Variants in PTPRD observed in about 807,000 individuals in gnomAD.
PTPRD encodes the protein protein tyrosine phosphatase receptor type D.
In PTPRD, 34 loss-of-function variants were observed where a neutral mutation model predicts 214.5. The ratio of observed to expected loss-of-function variants is 0.16; its 90% CI spans 0.12 to 0.21. PTPRD has a LOEUF of 0.21. Among genes scored for constraint, PTPRD ranks in the 10% least tolerant of loss-of-function variants. The probability of loss-of-function intolerance (pLI) is 1.00; values close to 1 mark genes in which losing one functional copy is unlikely to be tolerated. For synonymous variants in PTPRD, 1,128 were observed against 845.7 expected (o/e 1.33, Z -5.79); for missense variants, 2,545 against 2,398.7 (o/e 1.06, Z -1.27).
chr9:9,848,242 C>T (rs765944578), intron 5 of PTPRD, among the ~76,000 whole-genome samples: 2 of 152,208 alleles, frequency 1.3e-5, no homozygotes, highest in South Asian at 2.1e-4. Context: ...ACAGATTCCC[C>T]AGTACTGCTT....
intron 2 of PTPRD, among the ~76,000 whole-genome samples, chr9:10,559,983 T>C (rs7468020): frequency 0.81 from 122,786 of 152,112 alleles, 49,712 homozygotes; most frequent in East Asian, 0.96. Context: ...AGTTCAATCA[T>C]TGTGGAAGTC....
rs531344465 is a variant in PTPRD at position 10,223,006 on chromosome 9, G to C, written c.-545+117957C>G. ...CAGAGGGAAAGAAGTGAAAGACAGA[G>C]AATGAAGAGTAAAAATTAGCAACAA... On this transcript the variant is annotated intron_variant, in intron 3 of 45. Transcript: ENST00000381196. Among the ~76,000 whole-genome samples, 6 of 152,128 alleles carry C rather than the reference G, an allele frequency of 3.9e-5. No individual in the cohort carries two copies. In the East Asian group the frequency reaches 1.2e-3, roughly 30 times the overall value.
At chr9:10,436,172 A>T (rs983669447) in intron 2 of PTPRD, among the ~76,000 whole-genome samples, 54 of 151,986 alleles carry the variant, frequency 3.6e-4, no homozygotes, top group African/African-American at 1.3e-3. Context: ...CAAAAATACT[A>T]ATGTAACATT....
At chr9:10,359,973 C>G (rs1052271399) in intron 2 of PTPRD, among the ~76,000 whole-genome samples, 1 of 152,178 alleles carries the variant, frequency 6.6e-6, no homozygotes, top group Non-Finnish European at 1.5e-5. Flanking sequence ...ATCTTTTATA[C>G]AAATTTTTGG....
At chr9:10,467,972 A>G (rs1327950615) in intron 2 of PTPRD, among the ~76,000 whole-genome samples, 2 of 152,218 alleles carry the variant, frequency 1.3e-5, no homozygotes, top group Non-Finnish European at 2.9e-5. Context: ...TGCCAGTTAG[A>G]ATGGCAACCA....
chr9:9,193,823 CTT>C lies in PTPRD; in HGVS notation c.-202-10462_-202-10461del, dbSNP rs79299643. Reference sequence around the variant, plus strand: ...GGACATTACTGTGCACAACTGTAGACTTTATACGCACTGTAAACTTTGGCTAC... The same window carrying C: ...GGACATTACTGTGCACAACTGTAGACTATACGCACTGTAAACTTTGGCTAC... On this transcript the variant is annotated intron_variant, in intron 9 of 45. Coordinates refer to ENST00000381196, the MANE Select transcript of PTPRD (RefSeq NM_002839.4). Among the ~76,000 whole-genome samples, 735 of 152,132 alleles carry C rather than the reference CTT, an allele frequency of 4.8e-3. 54 individuals carry two copies. The East Asian group carries it at 0.13, about 26-fold the overall frequency.
chr9:9,378,079 T>G (rs1187290606), intron 9 of PTPRD, among the ~76,000 whole-genome samples: 1 of 152,024 alleles, frequency 6.6e-6, no homozygotes, highest in Non-Finnish European at 1.5e-5. Context: ...CATTAAAACA[T>G]CGTTATCCAA....
At chr9:10,237,710 G>C (rs75933157) in intron 3 of PTPRD, among the ~76,000 whole-genome samples, 164 of 151,886 alleles carry the variant, frequency 1.1e-3, no homozygotes, top group African/African-American at 3.8e-3. Context: ...CCCTGACATG[G>C]AACATGTTAA....
chr9:9,289,114 T>C (rs1260708873), intron 9 of PTPRD, among the ~76,000 whole-genome samples: 2 of 151,810 alleles, frequency 1.3e-5, no homozygotes, highest in East Asian at 2.0e-4. Context: ...GAAAAACACA[T>C]GGGCTAGCAA....
chr9:10,050,900 T>C (rs1025639875), intron 3 of PTPRD, among the ~76,000 whole-genome samples: 1 of 152,160 alleles, frequency 6.6e-6, no homozygotes, highest in Non-Finnish European at 1.5e-5. Context: ...TAAAATCAAA[T>C]GTTGATTCAC....
chr9:10,374,914 G>C (rs934878614), intron 2 of PTPRD, among the ~76,000 whole-genome samples: 1 of 151,900 alleles, frequency 6.6e-6, no homozygotes, highest in Non-Finnish European at 1.5e-5. Context: ...TCAATAATTT[G>C]GAACTGCAGT....
At chr9:8,610,335 T>C (rs962239999) in intron 14 of PTPRD, among the ~76,000 whole-genome samples, 14 of 152,188 alleles carry the variant, frequency 9.2e-5, no homozygotes, top group African/African-American at 2.9e-4. Flanking sequence ...GTGGCTATTA[T>C]CAATTTCAGT....
At chr9:10,212,129 CA>C (rs1423639116) in intron 3 of PTPRD, among the ~76,000 whole-genome samples, 2 of 152,106 alleles carry the variant, frequency 1.3e-5, no homozygotes, top group African/African-American at 4.8e-5. Context: ...ACCATTCTCT[CA>C]GTGACAACTT....
At chr9:9,802,902 A>C (rs1410944796) in intron 5 of PTPRD, among the ~76,000 whole-genome samples, 1 of 151,870 alleles carries the variant, frequency 6.6e-6, no homozygotes, top group Non-Finnish European at 1.5e-5. Flanking sequence ...TAATGCATAT[A>C]ATTTGAGCTA....
At chr9:10,482,817 C>T (rs1024059642) in intron 2 of PTPRD, among the ~76,000 whole-genome samples, 3 of 152,052 alleles carry the variant, frequency 2.0e-5, no homozygotes, top group East Asian at 1.9e-4. Context: ...ACAGATGACA[C>T]GAACAAATGG....
intron 10 of PTPRD, among the ~76,000 whole-genome samples, chr9:9,089,494 T>C (rs1019653000): frequency 2.6e-5 from 4 of 152,204 alleles, no homozygotes; most frequent in Admixed American, 2.0e-4. Flanking sequence ...TTTTCATTCA[T>C]GAGTTAGAAT....
intron 4 of PTPRD, among the ~76,000 whole-genome samples, chr9:9,988,129 G>A (rs1410076737): frequency 1.3e-5 from 2 of 152,224 alleles, no homozygotes; most frequent in East Asian, 1.9e-4. Context: ...TATTTCAAGA[G>A]TAAATTGCTT....
intron 23 of PTPRD, 142 bp downstream of exon 23, chr9:8,504,119 T>G (rs2097485474): frequency 1.3e-6 from 1 of 775,714 alleles, no homozygotes; most frequent in South Asian, 1.8e-5. Flanking sequence ...AGTTACACTT[T>G]CACCTGTGAA....
chr9:10,543,479 T>TACAC (rs567757732), intron 2 of PTPRD, among the ~76,000 whole-genome samples: 3,339 of 145,154 alleles, frequency 0.023, 50 homozygotes, highest in South Asian at 0.066. Context: ...TATATATATA[T>TACAC]ACACACACAC....
Sources: allele counts gnomAD v4.1 joint callset (sites outside exome capture counted in the v4.1 genomes callset), GRCh38; gene constraint gnomAD v4.1.1; transcripts MANE v1.5; gene names NCBI Gene and HGNC (gene_info 2026-07-23, HGNC 2026-07-21).